P4HA1: variants seen among roughly 807,000 people sequenced by gnomAD.
The protein encoded by P4HA1 is prolyl 4-hydroxylase subunit alpha-1.
In P4HA1, 24 loss-of-function variants were observed where a neutral mutation model predicts 72.8. That is an observed-to-expected ratio of 0.33 (90% confidence interval 0.24 to 0.46). The LOEUF is 0.46. P4HA1 is among the 20% of genes least tolerant of loss of function. The probability of loss-of-function intolerance (pLI) is 1.00; values close to 1 mark genes in which losing one functional copy is unlikely to be tolerated. For missense variants in P4HA1, 446 were observed against 640.6 expected (o/e 0.70, Z 3.28); for synonymous variants, 201 against 218.8 (o/e 0.92, Z 0.72).
intron 9 of P4HA1, among the ~76,000 whole-genome samples, chr10:73,041,545 C>T (rs913375479): frequency 7.3e-5 from 10 of 137,118 alleles, no homozygotes; most frequent in East Asian, 5.9e-4. Context: ...TCCATCCCCC[C>T]CCCAAAAAAA....
chr10:73,058,090 GAAAAAAAA>G (rs869244017), intron 5 of P4HA1, among the ~76,000 whole-genome samples: 1 of 23,072 alleles, frequency 4.3e-5, no homozygotes, highest in African/African-American at 1.4e-4. Context: ...ACTCCGTCCA[GAAAAAAAA>G]AAAAAAAAAA....
In P4HA1 at chr10:73,051,200, T is replaced by G; in HGVS notation, c.753A>C (p.Ile251=). Residue 251 remains isoleucine, a synonymous_variant, in exon 7 of 15, where the codon ATA becomes ATC. Coordinates refer to ENST00000394890, the MANE Select transcript of P4HA1 (RefSeq NM_001017962.3). ...TATTGACATCTTTTTCTTTAGCCAT[T>G]ATATACTCAAAATATTTTAAGTTAC... is the stretch of plus-strand genomic sequence containing the variant. ...ANGNLKYFEY[I]MAKEKDVNKS... 1 of 1,606,682 alleles carries G rather than the reference T, an allele frequency of 6.2e-7. No individual in the cohort carries two copies. The highest frequency in any genetic ancestry group is 8.5e-7 in the Non-Finnish European group (1 of 1,173,446).
intron 1 of P4HA1, among the ~76,000 whole-genome samples, chr10:73,089,797 C>A (rs1400354817): frequency 1.4e-5 from 2 of 145,528 alleles, no homozygotes; most frequent in Middle Eastern, 3.7e-3. Context: ...AGAAAGGAAA[C>A]AATGGTTTCC....
In P4HA1 at chr10:73,051,054, A is replaced by G; in HGVS notation, c.899T>C (p.Met300Thr). ...EMLCRGEGIK[M>T]TPRRQKKLFC... is the part of the protein sequence containing the mutation. ...ACACAATTGGCTTTTCCACTTTACC[A>G]TTTTGATACCCTCCCCACGGCACAG... Residue 300 changes from methionine (M) to threonine (T), a missense_variant and splice_region_variant, in exon 7 of 15, where the codon ATG becomes ACG. Coordinates refer to ENST00000394890, the MANE Select transcript of P4HA1 (RefSeq NM_001017962.3). The G allele has an allele frequency of 6.2e-7, 1 of 1,612,320 alleles. No individual in the cohort carries two copies.
chr10:73,053,638 G>T (rs1564629919), intron 5 of P4HA1, 48 bp from the exon 6 acceptor site: 1 of 1,542,374 alleles, frequency 6.5e-7, no homozygotes, highest in Admixed American at 1.7e-5. Context: ...ACACTACTGT[G>T]TATTTATTTA....
At chr10:73,058,513 A>G (rs538987719) in intron 5 of P4HA1, among the ~76,000 whole-genome samples, 3 of 152,202 alleles carry the variant, frequency 2.0e-5, no homozygotes, top group South Asian at 4.2e-4. Flanking sequence ...TCCTTTCCCT[A>G]TGACACTTAA....
At chr10:73,014,885 G>C (rs1214723176) in intron 11 of P4HA1, among the ~76,000 whole-genome samples, 1 of 149,392 alleles carries the variant, frequency 6.7e-6, no homozygotes, top group African/African-American at 2.5e-5. Flanking sequence ...CTGGAGTGCA[G>C]TGCCATGATC....
At chr10:73,070,901 C>T (rs1345302243) in intron 4 of P4HA1, among the ~76,000 whole-genome samples, 2 of 151,980 alleles carry the variant, frequency 1.3e-5, no homozygotes, top group East Asian at 3.9e-4. Flanking sequence ...GGTTCAGGGG[C>T]CAGGAACCAT....
intron 1 of P4HA1, among the ~76,000 whole-genome samples, chr10:73,095,895 C>T (rs1842153958): frequency 6.6e-6 from 1 of 152,176 alleles, no homozygotes; most frequent in African/African-American, 2.4e-5. Context: ...ACCATCCTTC[C>T]TCCCCATTGA....
intron 11 of P4HA1, among the ~76,000 whole-genome samples, chr10:73,014,625 G>A (rs965813459): frequency 2.6e-5 from 4 of 151,986 alleles, no homozygotes; most frequent in African/African-American, 7.3e-5. Flanking sequence ...CAAGATTACT[G>A]GATAAAAAGC....
At chr10:73,064,831 C>T (rs1841384214) in intron 5 of P4HA1, among the ~76,000 whole-genome samples, 1 of 152,096 alleles carries the variant, frequency 6.6e-6, no homozygotes, top group Admixed American at 6.6e-5. Flanking sequence ...CAGAGTGAGA[C>T]TCCATGTCAA....
At chr10:73,022,197 C>T (rs1840152083) in intron 10 of P4HA1, among the ~76,000 whole-genome samples, 1 of 152,202 alleles carries the variant, frequency 6.6e-6, no homozygotes, top group Admixed American at 6.5e-5. Context: ...TCAAGAGGGT[C>T]CCTGACCCCC....
At position 73,007,774 on chromosome 10, in the gene P4HA1, T is replaced by C. The variant is rs1473799675; in HGVS notation, c.*448A>G. 6.5e-6 allele frequency: 1 copy of C among 153,284 alleles called. No individual in the cohort carries two copies. The highest frequency in any genetic ancestry group is 2.4e-5 in the African/African-American group (1 of 41,510). The allele number at this position is 153,284 out of a possible 1,614,324, so 9.5% of individuals were successfully genotyped here. ...CCCAGTTAGTGTCCTAGTTTATTAC[T>C]AGTCTTCAGATCCAGAAAACAGAGT... On this transcript the variant is annotated 3_prime_UTR_variant, in exon 15 of 15. Transcript: ENST00000394890.
chr10:73,085,336 G>C (rs763736685), intron 1 of P4HA1, among the ~76,000 whole-genome samples: 12 of 152,060 alleles, frequency 7.9e-5, no homozygotes, highest in African/African-American at 2.7e-4. Context: ...TCACATTTCC[G>C]ATAGCATCAG....
chr10:73,030,093 G>C (rs1251087058), intron 10 of P4HA1, among the ~76,000 whole-genome samples, 178 bp downstream of exon 10: 1 of 152,142 alleles, frequency 6.6e-6, no homozygotes, highest in African/African-American at 2.4e-5. Flanking sequence ...AAAAGTCACA[G>C]AACAATCACA....
intron 3 of P4HA1, among the ~76,000 whole-genome samples, chr10:73,073,342 C>T (rs973758304): frequency 1.3e-3 from 197 of 151,482 alleles, no homozygotes; most frequent in African/African-American, 4.7e-3. Flanking sequence ...CCACCTTAGC[C>T]TCCCAAGCAG....
chr10:73,073,887 A>G (rs1202335007), intron 2 of P4HA1, 60 bp from the exon 3 acceptor site: 1 of 817,702 alleles, frequency 1.2e-6, no homozygotes, highest in Non-Finnish European at 2.2e-6. Flanking sequence ...TGTTAAGAAT[A>G]AGAATGATTG....
intron 5 of P4HA1, among the ~76,000 whole-genome samples, chr10:73,060,187 T>C (rs954094981): frequency 2.6e-5 from 4 of 152,130 alleles, no homozygotes; most frequent in Non-Finnish European, 5.9e-5. Flanking sequence ...ATTAATAGTA[T>C]GAATAAAATA....
At chr10:73,066,160 G>A (rs1841416831) in intron 5 of P4HA1, among the ~76,000 whole-genome samples, 1 of 152,156 alleles carries the variant, frequency 6.6e-6, no homozygotes, top group Non-Finnish European at 1.5e-5. Context: ...TGGGTTGGGG[G>A]AGCCTAAAAA....
Sources: gnomAD v4.1 joint callset for allele counts (sites outside exome capture counted in the v4.1 genomes callset) on GRCh38, gnomAD v4.1.1 for gene constraint, MANE v1.5 for transcripts, NCBI Gene and HGNC (gene_info 2026-07-23, HGNC 2026-07-21) for gene names.